The following MYLK variants were observed in gnomAD, a reference collection of about 807,000 sequenced individuals.
The protein encoded by MYLK is myosin light chain kinase, smooth muscle.
A neutral mutation model predicts 203.4 loss-of-function variants in MYLK; 106 were observed. That is an observed-to-expected ratio of 0.52 (90% CI 0.45 to 0.61). MYLK has a LOEUF of 0.61. Ranked by LOEUF, MYLK falls within the 20% of genes least tolerant of loss-of-function variation. The pLI is 0.00. For synonymous variants in MYLK, 867 were observed against 959.5 expected (o/e 0.90, Z 1.78); for missense variants, 2,072 against 2,442.3 (o/e 0.85, Z 3.20).
chr3:123,790,250 C>A (rs542556673), intron 4 of MYLK, among the ~76,000 whole-genome samples: 33 of 152,312 alleles, frequency 2.2e-4, no homozygotes, highest in Middle Eastern at 3.4e-3. Context: ...GTCTTTTTAT[C>A]TTCCTTTAAT....
At position 123,700,269 on chromosome 3, in the gene MYLK, GTTC is replaced by G. The variant is rs75967604; in HGVS notation, c.3196_3198del (p.Glu1066del). The G allele has an allele frequency of 0.035, 55,680 of 1,613,884 alleles. 6,375 individuals are homozygous for G. The East Asian group carries it at 0.44, about 13-fold the overall frequency. ...ACATCATTCTTAACGTCTTTCTTGA[GTTC>G]TTCTTTGCTAGCGGATTTCAGGTTC... On this transcript the variant is annotated inframe_deletion, in exon 18 of 34. Transcript: ENST00000360304.
chr3:123,702,956 A>G (rs1341011263), intron 16 of MYLK, among the ~76,000 whole-genome samples: 1 of 152,180 alleles, frequency 6.6e-6, no homozygotes, highest in Non-Finnish European at 1.5e-5. Flanking sequence ...TATCAGTACA[A>G]ATCTGGTCTG....
At chr3:123,719,122 C>T (rs1259821100) in intron 13 of MYLK, among the ~76,000 whole-genome samples, 3 of 152,220 alleles carry the variant, frequency 2.0e-5, no homozygotes, top group Non-Finnish European at 4.4e-5. Context: ...GCTGCACCAG[C>T]AATCTCGATG....
intron 4 of MYLK, among the ~76,000 whole-genome samples, chr3:123,781,041 G>A (rs1048488842): frequency 4.6e-5 from 7 of 152,124 alleles, no homozygotes; most frequent in South Asian, 2.1e-4. Context: ...TTAGGGGTCC[G>A]GGCTCCAGTT....
At chr3:123,872,320 C>G (rs115468163) in intron 2 of MYLK, among the ~76,000 whole-genome samples, 32 of 152,294 alleles carry the variant, frequency 2.1e-4, no homozygotes, top group Non-Finnish European at 4.1e-4. Context: ...TGACACCCAG[C>G]TATGTGGAGT....
chr3:123,869,907 AGATGGAC>A (rs904767087), intron 2 of MYLK, among the ~76,000 whole-genome samples: 3 of 151,972 alleles, frequency 2.0e-5, no homozygotes, highest in Non-Finnish European at 2.9e-5. Flanking sequence ...AAATTGGCTA[AGATGGAC>A]GATGAAATCT....
chr3:123,752,271 C>T, intron 5 of MYLK, 60 bp downstream of exon 5: 1 of 1,552,968 alleles, frequency 6.4e-7, no homozygotes, highest in Non-Finnish European at 8.9e-7. Context: ...GCAGGAGCTG[C>T]AGGCCTTGGG....
chr3:123,635,992 T>C (rs1033537510), intron 29 of MYLK, among the ~76,000 whole-genome samples: 1 of 152,220 alleles, frequency 6.6e-6, no homozygotes, highest in African/African-American at 2.4e-5. Flanking sequence ...CACTTCTTTC[T>C]GTATGATTTC....
chr3:123,650,396 ATT>A, intron 24 of MYLK, among the ~76,000 whole-genome samples: 1 of 152,186 alleles, frequency 6.6e-6, no homozygotes, highest in Middle Eastern at 3.4e-3. Context: ...GAGGAAAAGG[ATT>A]TTTAAAGTGT....
Position 123,834,621 on chromosome 3 carries a change from C to T in MYLK, c.-126-2951G>A, listed in dbSNP as rs192295321. 7.9e-5 allele frequency among the ~76,000 whole-genome samples: 12 copies of T among 151,430 alleles called. No individual in the cohort carries two copies. In the East Asian group the frequency reaches 1.8e-3, roughly 22 times the overall value. On this transcript the variant is annotated intron_variant, in intron 2 of 33. Transcript: ENST00000360304. ...GCAGTGGGATTATTGACTGTCACAA[C>T]GACTTGAGAACAAGGGAAAGGAGCT...
intron 5 of MYLK, 124 bp from the exon 6 acceptor site, chr3:123,740,125 G>T (rs1248726034): frequency 3.3e-6 from 3 of 913,576 alleles, no homozygotes; most frequent in Non-Finnish European, 5.4e-6. Flanking sequence ...CTGAGCATGG[G>T]CTGTGTCACT....
Position 123,640,248 on chromosome 3 carries a change from TA to T in MYLK, c.4837+38del. On this transcript the variant is annotated intron_variant, in intron 28 of 33. Transcript: ENST00000360304. This position sits in a 1 kb window ranked among gnomAD's most constrained non-coding sequence, Gnocchi z 4.3. ...GTGTGAGAGGAAACGGCCAGTGCAA[TA>T]CACACTGGTGTCCATGGGAGAGGCA... 6.4e-7 allele frequency: 1 copy of T among 1,568,624 alleles called. No homozygotes were observed. The highest frequency in any genetic ancestry group is 8.8e-7 in the Non-Finnish European group (1 of 1,138,896).
intron 24 of MYLK, among the ~76,000 whole-genome samples, chr3:123,656,015 C>G: frequency 6.6e-6 from 1 of 152,152 alleles, no homozygotes; most frequent in East Asian, 1.9e-4. Flanking sequence ...TGCAAAAAGT[C>G]ATCAAGTATG....
At chr3:123,705,126 C>A (rs1182482227) in intron 16 of MYLK, among the ~76,000 whole-genome samples, 1 of 151,602 alleles carries the variant, frequency 6.6e-6, no homozygotes, top group African/African-American at 2.4e-5. Flanking sequence ...CACCCCTCTA[C>A]CCCCTGCACA....
intron 5 of MYLK, among the ~76,000 whole-genome samples, chr3:123,745,977 C>A (rs2108848141): frequency 6.6e-6 from 1 of 152,156 alleles, no homozygotes; most frequent in South Asian, 2.1e-4. Context: ...CCTGCCTCAG[C>A]CTCCTGAGTA....
intron 3 of MYLK, among the ~76,000 whole-genome samples, chr3:123,812,381 C>T (rs1218438153): frequency 6.6e-6 from 1 of 152,170 alleles, no homozygotes; most frequent in Non-Finnish European, 1.5e-5. Context: ...GTCAGGTTTC[C>T]CCACCCAACC....
chr3:123,619,603 G>T (rs1249699914), intron 32 of MYLK, among the ~76,000 whole-genome samples: 1 of 152,310 alleles, frequency 6.6e-6, no homozygotes, highest in Non-Finnish European at 1.5e-5. Flanking sequence ...GCAGGAAAAG[G>T]CTGGGGTTTT....
rs2065138275 is a variant in MYLK at position 123,799,997 on chromosome 3, AG to A, written c.-3-6154del. The A allele has an allele frequency of 2.0e-5, 3 of 152,328 alleles. No homozygotes were observed. In the South Asian group the frequency reaches 6.2e-4, roughly 32 times the overall value. The allele number at this position is 152,328 out of a possible 1,614,324, so 9.4% of individuals were successfully genotyped here. A position where few individuals can be genotyped will look rare whatever the true frequency, so the allele number is the denominator to read the frequency against. On this transcript the variant is annotated intron_variant, in intron 3 of 33. Transcript: ENST00000360304. The stretch of plus-strand genomic sequence containing the variant: ...GCCCAGGGCCAGACCGAAAAAGTTA[AG>A]GGGCTTTTGTTCTGACTCTGCTCGC...
rs113006345 is a variant in MYLK, at chr3:123,874,470, A to G, written c.-127+2089T>C. Among the ~76,000 whole-genome samples, 978 of 152,310 alleles carry G rather than the reference A, an allele frequency of 6.4e-3. 18 individuals carry two copies. The highest frequency in any genetic ancestry group is 0.022 in the African/African-American group (923 of 41,584). ...AGAATCTCTATCTATACCTTACATC[A>G]TGTATAAAAATTAACTTAAAATGGA... On this transcript the variant is annotated intron_variant, in intron 2 of 33. Transcript: ENST00000360304.
Sources: allele counts gnomAD v4.1 joint callset (sites outside exome capture counted in the v4.1 genomes callset), GRCh38; gene constraint gnomAD v4.1.1; non-coding constraint Gnocchi (gnomAD v3.1); transcripts MANE v1.5; gene names NCBI Gene and HGNC (gene_info 2026-07-23, HGNC 2026-07-21).